The following PDE4D variants were observed in gnomAD, a reference collection of about 807,000 sequenced individuals.
PDE4D encodes the protein 3',5'-cyclic-AMP phosphodiesterase 4D.
In PDE4D, 24 loss-of-function variants were observed where a neutral mutation model predicts 87.4. The observed-to-expected ratio is 0.27, with a 90% CI of 0.20 to 0.39. The LOEUF (loss-of-function observed/expected upper bound fraction) is 0.39. PDE4D is among the 10% of genes least tolerant of loss of function. PDE4D has a pLI of 1.00. For synonymous variants in PDE4D, 384 were observed against 383.2 expected, an observed-to-expected ratio of 1.00 and a Z score of -0.02; for missense variants, 714 against 1,041.0, an observed-to-expected ratio of 0.69 and a Z score of 4.32.
intron 2 of PDE4D, among the ~76,000 whole-genome samples, chr5:59,206,644 C>A (rs1046013019): frequency 1.3e-5 from 2 of 152,298 alleles, no homozygotes; most frequent in East Asian, 3.9e-4. Flanking sequence ...GACAAGAATG[C>A]ATGCTCCAAA....
chr5:59,318,069 T>C (rs1774076129), intron 1 of PDE4D, among the ~76,000 whole-genome samples: 2 of 152,318 alleles, frequency 1.3e-5, no homozygotes, highest in African/African-American at 4.8e-5. Context: ...TAATTGACTT[T>C]GGACAAGTGA....
At chr5:59,598,526 T>C (rs1339300610) in intron 1 of PDE4D, among the ~76,000 whole-genome samples, 4 of 152,192 alleles carry the variant, frequency 2.6e-5, no homozygotes, top group Non-Finnish European at 5.9e-5. Context: ...TCTCCTCGTC[T>C]TCCATAACCA....
At chr5:59,992,374 ACTT>A (rs1313741824) in intron 2 of PDE4D, among the ~76,000 whole-genome samples, 25 of 152,146 alleles carry the variant, frequency 1.6e-4, no homozygotes, top group Admixed American at 4.6e-4. Flanking sequence ...CTATTGTGGG[ACTT>A]CACCTTGTGA....
intron 1 of PDE4D, among the ~76,000 whole-genome samples, chr5:60,424,538 TAGTA>T (rs1421683787): frequency 6.6e-6 from 1 of 152,174 alleles, no homozygotes; most frequent in African/African-American, 2.4e-5. Flanking sequence ...TATCTCCAAA[TAGTA>T]AGAGCAATTT....
At chr5:60,320,781 A>G (rs915433480) in intron 1 of PDE4D, among the ~76,000 whole-genome samples, 20 of 152,334 alleles carry the variant, frequency 1.3e-4, no homozygotes, top group Middle Eastern at 3.4e-3. Context: ...CTGAGAACCA[A>G]ATCAAGAACA....
chr5:59,224,145 A>C (rs1753183530), intron 1 of PDE4D, among the ~76,000 whole-genome samples: 1 of 150,524 alleles, frequency 6.6e-6, no homozygotes, highest in Non-Finnish European at 1.5e-5. Context: ...AAAAAAAAAA[A>C]AAAGTCAGGC....
intron 3 of PDE4D, chr5:59,988,185 A>G (rs922971086): frequency 2.3e-5 from 6 of 259,852 alleles, no homozygotes; most frequent in African/African-American, 1.1e-4. Flanking sequence ...ATTTGTTAAA[A>G]TGTCTTCTAT....
chr5:59,748,115 C>T (rs936592344), intron 1 of PDE4D, among the ~76,000 whole-genome samples: 4 of 152,196 alleles, frequency 2.6e-5, no homozygotes, highest in Non-Finnish European at 4.4e-5. Flanking sequence ...CAGATACTCA[C>T]AACTTTGAGT....
chr5:60,203,062 T>C (rs1480343305), intron 1 of PDE4D, among the ~76,000 whole-genome samples: 1 of 152,204 alleles, frequency 6.6e-6, no homozygotes, highest in African/African-American at 2.4e-5. Context: ...AACTTCTGCC[T>C]CCCAGGTTCA....
intron 1 of PDE4D, among the ~76,000 whole-genome samples, chr5:59,664,042 T>C (rs1218604847): frequency 2.6e-5 from 4 of 152,208 alleles, no homozygotes. Context: ...TTCATTCTGA[T>C]TGGCTTTAGA....
At chr5:60,461,907 TCA>T (rs1372763827) in intron 1 of PDE4D, among the ~76,000 whole-genome samples, 2 of 152,196 alleles carry the variant, frequency 1.3e-5, no homozygotes, top group Non-Finnish European at 2.9e-5. Context: ...CAAGCATTAT[TCA>T]CATGAGAAAC....
Position 59,774,433 on chromosome 5 carries a change from GT to G in PDE4D, c.455+118734del, listed in dbSNP as rs1763873005. Among the ~76,000 whole-genome samples, 5 of 152,182 alleles carry G rather than the reference GT, an allele frequency of 3.3e-5. No homozygotes were observed. In the South Asian group the frequency reaches 1.0e-3, roughly 32 times the overall value. On this transcript the variant is annotated intron_variant, in intron 1 of 14. Transcript: ENST00000340635. Reference sequence around the variant, plus strand: ...AAGCCAGTAAACAGTTTTTTTAAGAGTTTCTAGATTTCATTGAACAAAACAA... The same window carrying G: ...AAGCCAGTAAACAGTTTTTTTAAGAGTTCTAGATTTCATTGAACAAAACAA...
At chr5:59,704,668 A>G (rs1753120652) in intron 1 of PDE4D, among the ~76,000 whole-genome samples, 1 of 152,182 alleles carries the variant, frequency 6.6e-6, no homozygotes, top group South Asian at 2.1e-4. Context: ...CTGTTGTTCA[A>G]AAAACTACTT....
chr5:59,343,782 T>C (rs1055199960), intron 1 of PDE4D, among the ~76,000 whole-genome samples: 30 of 152,178 alleles, frequency 2.0e-4, no homozygotes, highest in Admixed American at 1.5e-3. Context: ...TATTGTAATA[T>C]ACAGTCCATA....
intron 1 of PDE4D, among the ~76,000 whole-genome samples, chr5:59,476,095 T>C (rs1167541876): frequency 6.6e-6 from 1 of 152,020 alleles, no homozygotes; most frequent in Non-Finnish European, 1.5e-5. Flanking sequence ...CAACCTATTC[T>C]CCCTTCCCTC....
intron 1 of PDE4D, chr5:60,521,927 A>G (rs1751052790): frequency 8.9e-6 from 1 of 112,544 alleles, no homozygotes; most frequent in Non-Finnish European, 1.8e-5. Context: ...TGGGACTCTG[A>G]CCTGCAGGAA....
At chr5:59,755,090 T>C (rs566462055) in intron 1 of PDE4D, among the ~76,000 whole-genome samples, 1 of 152,322 alleles carries the variant, frequency 6.6e-6, no homozygotes, top group East Asian at 1.9e-4. Context: ...GCTTATTGAA[T>C]TTTAAAATGT....
chr5:60,388,876 C>T (rs1762380060), intron 1 of PDE4D, among the ~76,000 whole-genome samples: 1 of 152,126 alleles, frequency 6.6e-6, no homozygotes, highest in African/African-American at 2.4e-5. Flanking sequence ...TTAAGTAATC[C>T]ATTATCAATA....
intron 2 of PDE4D, among the ~76,000 whole-genome samples, chr5:60,184,171 A>T (rs1784597845): frequency 6.6e-6 from 1 of 152,158 alleles, no homozygotes. Flanking sequence ...TTGCTTTTAC[A>T]ATGTTTTCCT....
Sources: allele counts gnomAD v4.1 joint callset (sites outside exome capture counted in the v4.1 genomes callset), GRCh38; gene constraint gnomAD v4.1.1; transcripts MANE v1.5; gene names NCBI Gene and HGNC (gene_info 2026-07-23, HGNC 2026-07-21).